The following TRPS1 variants were observed in gnomAD, a reference collection of about 807,000 sequenced individuals.
TRPS1 encodes the protein zinc finger transcription factor Trps1.
TRPS1 carries 6 observed loss-of-function variants against 101.2 expected under a neutral mutation model. The observed-to-expected ratio is 0.06, with a 90% CI of 0.03 to 0.12. The LOEUF (loss-of-function observed/expected upper bound fraction) is 0.12, where lower values mean the gene tolerates loss of function less well. Among genes scored for constraint, TRPS1 ranks in the 10% least tolerant of loss-of-function variants. The probability of loss-of-function intolerance (pLI) is 1.00; values close to 1 mark genes in which losing one functional copy is unlikely to be tolerated. For missense variants in TRPS1, 1,363 were observed against 1,567.0 expected, an observed-to-expected ratio of 0.87 and a Z score of 2.20; for synonymous variants, 578 against 589.8, an observed-to-expected ratio of 0.98 and a Z score of 0.29.
chr8:115,626,548 C>T (rs1054306615), intron 1 of TRPS1, among the ~76,000 whole-genome samples: 1 of 151,708 alleles, frequency 6.6e-6, no homozygotes, highest in African/African-American at 2.4e-5. Context: ...ATTTAATTTG[C>T]TCTCTCTGAA....
chr8:115,413,309 A>C lies in TRPS1; in HGVS notation c.*714T>G, dbSNP rs964738723. ...TGGACAAAATGAATCTAAACCGCAAACAAAAGGACTACTGAGTATTTGAAC... is the reference window on the plus strand; with the variant it reads ...TGGACAAAATGAATCTAAACCGCAACCAAAAGGACTACTGAGTATTTGAAC... On this transcript the variant is annotated 3_prime_UTR_variant, in exon 7 of 7. Transcript: ENST00000395715. 4 of 152,582 alleles carry C rather than the reference A, an allele frequency of 2.6e-5. No homozygotes were observed. Among genetic ancestry groups the C allele is most frequent in the African/African-American group, 9.7e-5 (4 of 41,438 alleles). 9.5% of individuals were successfully genotyped at this position (152,582 alleles called of 1,614,324 possible). A position where few individuals can be genotyped will look rare whatever the true frequency, so the allele number is the denominator to read the frequency against.
At chr8:115,447,815 T>C (rs1368710667) in intron 5 of TRPS1, among the ~76,000 whole-genome samples, 1 of 152,152 alleles carries the variant, frequency 6.6e-6, no homozygotes, top group Non-Finnish European at 1.5e-5. Flanking sequence ...TCACCTACTA[T>C]GAAATCACTG....
intron 5 of TRPS1, among the ~76,000 whole-genome samples, chr8:115,437,452 A>G (rs1373400864): frequency 6.6e-6 from 1 of 152,204 alleles, no homozygotes; most frequent in Non-Finnish European, 1.5e-5. Flanking sequence ...TTGAAAGGCC[A>G]CTAGAGCTCT....
chr8:115,536,522 CA>C (rs752895683), intron 5 of TRPS1, among the ~76,000 whole-genome samples: 219 of 102,858 alleles, frequency 2.1e-3, no homozygotes, highest in Middle Eastern at 4.9e-3. Flanking sequence ...GACTCCGTCT[CA>C]AAAAAAAAAA....
chr8:115,427,014 G>A (rs1176032298), intron 5 of TRPS1, among the ~76,000 whole-genome samples: 2 of 152,200 alleles, frequency 1.3e-5, no homozygotes, highest in East Asian at 3.9e-4. Context: ...GCTCATGCCT[G>A]TAATCCCAGT....
chr8:115,610,390 C>CA (rs1207735250), intron 3 of TRPS1, among the ~76,000 whole-genome samples: 2 of 152,006 alleles, frequency 1.3e-5, no homozygotes, highest in African/African-American at 4.8e-5. Flanking sequence ...TATAGTGCTT[C>CA]AAAAAAACAT....
intron 5 of TRPS1, among the ~76,000 whole-genome samples, chr8:115,429,024 T>C (rs1813255964): frequency 6.6e-6 from 1 of 152,212 alleles, no homozygotes; most frequent in Admixed American, 6.5e-5. Context: ...TGAGCTGATT[T>C]CTAAAGTTTT....
At chr8:115,486,782 C>T (rs1211783447) in intron 5 of TRPS1, among the ~76,000 whole-genome samples, 1 of 152,162 alleles carries the variant, frequency 6.6e-6, no homozygotes, top group Non-Finnish European at 1.5e-5. Flanking sequence ...GAAGAAAAAT[C>T]TTAATCTAGC....
At chr8:115,663,261 T>TC (rs201728433) in intron 1 of TRPS1, among the ~76,000 whole-genome samples, 320 of 152,076 alleles carry the variant, frequency 2.1e-3, no homozygotes, top group African/African-American at 7.3e-3. Context: ...TTTTTTTTTT[T>TC]TTAAATGGCA....
At chr8:115,551,493 C>T (rs1450206575) in intron 5 of TRPS1, among the ~76,000 whole-genome samples, 1 of 152,090 alleles carries the variant, frequency 6.6e-6, no homozygotes, top group Non-Finnish European at 1.5e-5. Context: ...TTTAAAAATT[C>T]CATTTTTGTG....
chr8:115,460,148 C>G (rs994249178), intron 5 of TRPS1, among the ~76,000 whole-genome samples: 1 of 152,072 alleles, frequency 6.6e-6, no homozygotes, highest in Non-Finnish European at 1.5e-5. Context: ...GTGACTTACA[C>G]ATAGTGTTCA....
chr8:115,667,958 T>C (rs903593871), intron 1 of TRPS1: 1 of 1,513,528 alleles, frequency 6.6e-7, no homozygotes, highest in Non-Finnish European at 8.9e-7. Flanking sequence ...CGGCGGCCCC[T>C]CGGGTCCAAC....
intron 3 of TRPS1, among the ~76,000 whole-genome samples, chr8:115,609,393 T>C (rs1818112125): frequency 6.6e-6 from 1 of 152,202 alleles, no homozygotes; most frequent in African/African-American, 2.4e-5. Flanking sequence ...ACTAAGATAA[T>C]ACTTCTGTTT....
Position 115,587,257 on chromosome 8 carries a change from C to T in TRPS1, c.2444G>A (p.Gly815Glu). The change falls in exon 5 of 7, where the codon GGG becomes GAG. Residue 815 changes from glycine to glutamate, a missense_variant. This residue lies in a region of TRPS1 where 1,020 missense variants were observed against 1,073.0 expected (regional missense o/e 0.95). Transcript: ENST00000395715. ...GCTTGCTTGGGTGTATGACGGACTCCCCCGCAGGATGTCTGCCCCTCTCCA... is the reference window on the plus strand; with the variant it reads ...GCTTGCTTGGGTGTATGACGGACTCTCCCGCAGGATGTCTGCCCCTCTCCA... ...VTWRGADILR[G>E]SPSYTQASLG... 1 of 1,614,216 alleles carries T rather than the reference C, an allele frequency of 6.2e-7. No homozygotes were observed.
intron 5 of TRPS1, among the ~76,000 whole-genome samples, chr8:115,492,418 T>C (rs1815046556): frequency 6.6e-6 from 1 of 152,020 alleles, no homozygotes; most frequent in African/African-American, 2.4e-5. Context: ...AGTTACTGAA[T>C]ACAACAATTG....
At chr8:115,520,439 A>C (rs972149001) in intron 5 of TRPS1, among the ~76,000 whole-genome samples, 3 of 151,866 alleles carry the variant, frequency 2.0e-5, no homozygotes, top group South Asian at 4.1e-4. Context: ...TTGGGAGATG[A>C]ACTAGATGAC....
At chr8:115,568,680 C>G (rs560781130) in intron 5 of TRPS1, among the ~76,000 whole-genome samples, 8 of 152,148 alleles carry the variant, frequency 5.3e-5, no homozygotes, top group African/African-American at 1.4e-4. Context: ...TTAACAGGAT[C>G]AAAATTTCAC....
At chr8:115,479,053 C>A (rs527954053) in intron 5 of TRPS1, among the ~76,000 whole-genome samples, 3 of 151,008 alleles carry the variant, frequency 2.0e-5, no homozygotes, top group Admixed American at 2.0e-4. Context: ...GCACAAGCCA[C>A]GAGTATTTTG....
chr8:115,632,994 C>A (rs370799199), intron 1 of TRPS1, among the ~76,000 whole-genome samples: 3 of 151,902 alleles, frequency 2.0e-5, no homozygotes, highest in African/African-American at 4.8e-5. Flanking sequence ...AGTGTGTGTG[C>A]GATTTTTCAG....
Sources: gnomAD v4.1 joint callset for allele counts (sites outside exome capture counted in the v4.1 genomes callset) on GRCh38, gnomAD v4.1.1 for gene constraint, gnomAD v4.1.1 regional missense constraint, MANE v1.5 for transcripts, NCBI Gene and HGNC (gene_info 2026-07-23, HGNC 2026-07-21) for gene names.